PGR: variants seen among roughly 807,000 people sequenced by gnomAD.
PGR encodes progesterone receptor.
In PGR, 25 loss-of-function variants were observed where a neutral mutation model predicts 76.1. The observed-to-expected ratio is 0.33, with a 90% CI of 0.24 to 0.46. PGR has a LOEUF of 0.46. Among genes scored for constraint, PGR ranks in the 20% least tolerant of loss-of-function variants. PGR has a pLI of 1.00. For synonymous variants in PGR, 579 were observed against 535.0 expected (o/e 1.08, Z -1.14); for missense variants, 1,172 against 1,225.3 (o/e 0.96, Z 0.65).
chr11:101,128,658 C>A lies in PGR; in HGVS notation c.413G>T (p.Ser138Ile), dbSNP rs755905259. The change falls in exon 1 of 8, where the codon AGC (serine) becomes ATC (isoleucine). Residue 138 changes from serine (S) to isoleucine (I), a missense_variant. By Grantham distance (142) the Ser-to-Ile change is moderately radical. Around this residue, in one of 4 missense-constraint regions of PGR, gnomAD observed 893 missense variants for 785.9 expected, o/e 1.14. Transcript: ENST00000325455. Reference protein sequence around the residue: ...QPSPPACEVTSSWCLFGPELP... With the variant: ...QPSPPACEVTISWCLFGPELP... ...TTCGGGGCCAAACAGGCACCAAGAG[C>A]TGGTGACCTCGCAGGCGGGAGGGCT... 5.6e-6 allele frequency: 9 copies of A among 1,593,832 alleles called. No homozygotes were observed. In the South Asian group the frequency reaches 1.0e-4, roughly 18 times the overall value.
At chr11:101,054,595 A>G (rs1403132164) in intron 4 of PGR, among the ~76,000 whole-genome samples, 3 of 152,330 alleles carry the variant, frequency 2.0e-5, no homozygotes, top group East Asian at 3.9e-4. Context: ...AGGGAGGCAC[A>G]TATAAACCTC....
In PGR at chr11:101,128,627, G is replaced by T; in HGVS notation, c.444C>A (p.Pro148=). The T allele has an allele frequency of 1.3e-6, 2 of 1,587,632 alleles. No individual in the cohort carries two copies. Among genetic ancestry groups the T allele is most frequent in the East Asian group, 2.3e-5 (1 of 43,900 alleles). ...TGGCGGGGGCAGCCGGTGGATCTTC[G>T]GGAAGTTCGGGGCCAAACAGGCACC... ...SSWCLFGPEL[P]EDPPAAPATQ... Residue 148 remains proline, a synonymous_variant, in exon 1 of 8, where the codon CCC becomes CCA. Coordinates refer to ENST00000325455, the MANE Select transcript of PGR (RefSeq NM_000926.4).
chr11:101,086,017 G>A (rs1328049285), intron 3 of PGR, among the ~76,000 whole-genome samples: 1 of 152,128 alleles, frequency 6.6e-6, no homozygotes, highest in East Asian at 1.9e-4. Context: ...TCTACCAGAT[G>A]CACAAAGTAG....
chr11:101,126,288 A>G, intron 1 of PGR, 130 bp from the exon 2 acceptor site: 1 of 829,590 alleles, frequency 1.2e-6, no homozygotes, highest in Non-Finnish European at 2.0e-6. Flanking sequence ...TACACTTGAA[A>G]GACATGCAAA....
chr11:101,041,032 T>C (rs940986352), intron 7 of PGR, among the ~76,000 whole-genome samples: 3 of 130,204 alleles, frequency 2.3e-5, no homozygotes, highest in African/African-American at 7.5e-5. Flanking sequence ...AGTATTTTCT[T>C]GCTAAATGTC....
intron 6 of PGR, among the ~76,000 whole-genome samples, chr11:101,045,142 A>G (rs977801095): frequency 5.3e-5 from 8 of 152,192 alleles, no homozygotes; most frequent in Admixed American, 5.2e-4. Flanking sequence ...AGAGATACAA[A>G]CTTATGAAAA....
chr11:101,055,410 A>C (rs1208334670), intron 4 of PGR, among the ~76,000 whole-genome samples: 2 of 82,124 alleles, frequency 2.4e-5, no homozygotes, highest in African/African-American at 9.6e-5. Context: ...GCGAGACTCC[A>C]TCTCAAAAAA....
intron 2 of PGR, among the ~76,000 whole-genome samples, chr11:101,098,650 A>G (rs1169708121): frequency 6.6e-6 from 1 of 152,236 alleles, no homozygotes; most frequent in Non-Finnish European, 1.5e-5. Flanking sequence ...ACTTAACTGG[A>G]CTCTGCAGTG....
chr11:101,058,899 C>G (rs1413940059), intron 4 of PGR, among the ~76,000 whole-genome samples: 3 of 152,018 alleles, frequency 2.0e-5, no homozygotes, highest in African/African-American at 7.2e-5. Flanking sequence ...TTAAATCTCC[C>G]GAAGGCCAGT....
chr11:101,078,574 C>G (rs777590042), intron 3 of PGR, among the ~76,000 whole-genome samples: 16 of 152,190 alleles, frequency 1.1e-4, no homozygotes, highest in Non-Finnish European at 2.2e-4. Context: ...TATCTTCCCA[C>G]TCAGTGCTGT....
chr11:101,085,566 CCTAAAGCTAGCAGAAGAAAAGGACGAA>C (rs1244182124), intron 3 of PGR, among the ~76,000 whole-genome samples: 1 of 136,404 alleles, frequency 7.3e-6, no homozygotes, highest in African/African-American at 2.9e-5. Context: ...ACAAACTATC[CCTAAAGCTAGCAGAAGAAAAGGACGAA>C]CTAAAGAGCA....
chr11:101,123,359 G>A (rs532134812), intron 2 of PGR, among the ~76,000 whole-genome samples: 25 of 152,090 alleles, frequency 1.6e-4, no homozygotes, highest in African/African-American at 5.3e-4. Flanking sequence ...CACACACAGC[G>A]CCACCTTGAA....
rs1860088732 is a variant in PGR at position 101,051,537 on chromosome 11, T to C, written c.2244A>G (p.Ile748Met). 1.2e-6 allele frequency: 2 copies of C among 1,609,592 alleles called. No homozygotes were observed. Among genetic ancestry groups the C allele is most frequent in the Non-Finnish European group, 1.7e-6 (2 of 1,176,352 alleles). Residue 748 changes from isoleucine (I) to methionine (M), a missense_variant, in exon 5 of 8, where the codon ATA (isoleucine) becomes ATG (methionine). Transcript: ENST00000325455. ...GFRNLHIDDQ[I>M]TLIQYSWMSL... The stretch of plus-strand genomic sequence containing the variant: ...TCATCCAAGAATACTGAATGAGAGT[T>C]ATCTGGTCATCAATATGTAAGTTTC...
chr11:101,126,573 T>C (rs1862844761), intron 1 of PGR, among the ~76,000 whole-genome samples: 1 of 152,242 alleles, frequency 6.6e-6, no homozygotes, highest in African/African-American at 2.4e-5. Flanking sequence ...TGCAATGTTT[T>C]GGTTTTGAGT....
Position 101,035,080 on chromosome 11 carries a change from G to T in PGR, c.*4036C>A. ...ATGTATTTTCTGTAAAATTTTAAGA[G>T]ATGTAGAAATTTCCCACATCCAATG... is the stretch of plus-strand genomic sequence containing the variant. On this transcript the variant is annotated 3_prime_UTR_variant, in exon 8 of 8. Coordinates refer to ENST00000325455, the MANE Select transcript of PGR (RefSeq NM_000926.4). 4.8e-6 allele frequency: 1 copy of T among 207,120 alleles called. No homozygotes were observed. Among genetic ancestry groups the T allele is most frequent in the Non-Finnish European group, 9.9e-6 (1 of 101,498 alleles). 12.8% of individuals were successfully genotyped at this position (207,120 alleles called of 1,614,324 possible).
intron 2 of PGR, among the ~76,000 whole-genome samples, chr11:101,115,836 A>G (rs1016307823): frequency 1.3e-5 from 2 of 152,200 alleles, no homozygotes; most frequent in African/African-American, 2.4e-5. Flanking sequence ...CTACATTGCA[A>G]AAAGCCAGCA....
intron 3 of PGR, among the ~76,000 whole-genome samples, chr11:101,080,252 G>C (rs1187380060): frequency 2.0e-5 from 3 of 152,002 alleles, no homozygotes. Flanking sequence ...AGCCACATTG[G>C]TCACAGCCAG....
At chr11:101,075,304 T>C (rs1209842479) in intron 3 of PGR, among the ~76,000 whole-genome samples, 1 of 152,184 alleles carries the variant, frequency 6.6e-6, no homozygotes, top group Non-Finnish European at 1.5e-5. Context: ...CCTTACACCT[T>C]ATACAAAAAT....
At chr11:101,053,325 G>T (rs73571733) in intron 4 of PGR, among the ~76,000 whole-genome samples, 1 of 152,042 alleles carries the variant, frequency 6.6e-6, no homozygotes, top group Non-Finnish European at 1.5e-5. Context: ...ATACACTTCA[G>T]ATCGTCCCAT....
Sources: gnomAD v4.1 joint callset for allele counts (sites outside exome capture counted in the v4.1 genomes callset) on GRCh38, gnomAD v4.1.1 for gene constraint, gnomAD v4.1.1 regional missense constraint, MANE v1.5 for transcripts, NCBI Gene and HGNC (gene_info 2026-07-23, HGNC 2026-07-21) for gene names.